ARHGAP28: variants seen among roughly 807,000 people sequenced by gnomAD.
ARHGAP28 encodes the protein Rho GTPase activating protein 28.
In ARHGAP28, 56 loss-of-function variants were observed where a neutral mutation model predicts 90.7. The observed-to-expected ratio is 0.62, with a 90% CI of 0.50 to 0.77. The LOEUF (loss-of-function observed/expected upper bound fraction) is 0.77. ARHGAP28 is among the 30% of genes least tolerant of loss of function. The pLI is 0.00. For synonymous variants in ARHGAP28, 308 were observed against 323.3 expected, an observed-to-expected ratio of 0.95 and a Z score of 0.51; for missense variants, 869 against 900.9, an observed-to-expected ratio of 0.96 and a Z score of 0.45.
At chr18:6,804,485 T>A (rs1251076051) in intron 1 of ARHGAP28, among the ~76,000 whole-genome samples, 1 of 152,226 alleles carries the variant, frequency 6.6e-6, no homozygotes, top group East Asian at 1.9e-4. Flanking sequence ...TATTTTGGAT[T>A]TAGTTTGCTA....
intron 1 of ARHGAP28, among the ~76,000 whole-genome samples, chr18:6,805,037 C>T (rs895114828): frequency 2.0e-5 from 3 of 152,186 alleles, no homozygotes; most frequent in Admixed American, 6.5e-5. Flanking sequence ...GTTGCCCAGG[C>T]TGGCCTTGAA....
In ARHGAP28 at chr18:6,896,508, G is replaced by C; in HGVS notation, c.1912G>C (p.Val638Leu). 1 of 1,613,930 alleles carries C rather than the reference G, an allele frequency of 6.2e-7. No homozygotes were observed. The highest frequency in any genetic ancestry group is 8.5e-7 in the Non-Finnish European group (1 of 1,179,906). Reference sequence around the variant, plus strand: ...AATTTCTCCTCCTTGGCAGTCTGACGTGCCGGAAGGAGTCATACGGGTCCA... The same window carrying C: ...AATTTCTCCTCCTTGGCAGTCTGACCTGCCGGAAGGAGTCATACGGGTCCA... ...KSPSARRMSD[V>L]PEGVIRVHAP... Residue 638 changes from valine (V) to leucine (L), a missense_variant, in exon 16 of 18, where the codon GTG becomes CTG. By Grantham distance (32) the Val-to-Leu change is conservative (BLOSUM62 1). Coordinates refer to ENST00000383472, the MANE Select transcript of ARHGAP28 (RefSeq NM_001366230.1).
intron 1 of ARHGAP28, among the ~76,000 whole-genome samples, chr18:6,787,513 A>T (rs1191275638): frequency 6.6e-6 from 1 of 152,166 alleles, no homozygotes; most frequent in East Asian, 1.9e-4. Context: ...CAACAATGGA[A>T]GAAACTTAAA....
intron 6 of ARHGAP28, among the ~76,000 whole-genome samples, chr18:6,869,201 G>A (rs1374414764): frequency 6.8e-6 from 1 of 147,604 alleles, no homozygotes; most frequent in Non-Finnish European, 1.5e-5. Flanking sequence ...CCTCTGTTTT[G>A]AATGCAAGCC....
chr18:6,898,415 C>G (rs1453059730), intron 16 of ARHGAP28: 1 of 1,259,746 alleles, frequency 7.9e-7, no homozygotes, highest in Non-Finnish European at 1.2e-6. Context: ...ACACATTAAC[C>G]CGTTTTCCAC....
At chr18:6,786,095 G>C (rs939232583) in intron 1 of ARHGAP28, among the ~76,000 whole-genome samples, 1 of 152,166 alleles carries the variant, frequency 6.6e-6, no homozygotes, top group Non-Finnish European at 1.5e-5. Flanking sequence ...GGAGGTTTAT[G>C]TCTTTAAATG....
chr18:6,795,368 C>T (rs1228952350), intron 1 of ARHGAP28, among the ~76,000 whole-genome samples: 2 of 152,018 alleles, frequency 1.3e-5, no homozygotes, highest in African/African-American at 2.4e-5. Context: ...CACCCTTCCT[C>T]GGGGAACAGT....
chr18:6,800,556 G>T (rs1444009476), intron 1 of ARHGAP28, among the ~76,000 whole-genome samples: 1 of 152,158 alleles, frequency 6.6e-6, no homozygotes, highest in Non-Finnish European at 1.5e-5. Flanking sequence ...CATGTCCTTT[G>T]CAGGGACATG....
chr18:6,889,978 C>G lies in ARHGAP28; in HGVS notation c.1627C>G (p.Leu543Val). The G allele has an allele frequency of 6.2e-7, 1 of 1,614,202 alleles. No homozygotes were observed. Among genetic ancestry groups the G allele is most frequent in the South Asian group, 1.1e-5 (1 of 91,086 alleles). Residue 543 changes from leucine to valine, a missense_variant, in exon 13 of 18, where the codon CTT becomes GTT. Physicochemically the swap from Leu to Val is conservative, Grantham distance 32. Transcript: ENST00000383472. ...CATTTCTACAGTGATGGCACCAAAC[C>G]TTTTCTTCAGTAGAAGCAAACACTC... ...WNISTVMAPN[L>V]FFSRSKHSDY...
chr18:6,761,557 T>G (rs1436108864), intron 1 of ARHGAP28, among the ~76,000 whole-genome samples: 1 of 152,148 alleles, frequency 6.6e-6, no homozygotes, highest in Non-Finnish European at 1.5e-5. Context: ...GGCCCTAGGC[T>G]TGGACCATCA....
At chr18:6,893,296 T>C (rs1023860737) in intron 14 of ARHGAP28, among the ~76,000 whole-genome samples, 1 of 152,170 alleles carries the variant, frequency 6.6e-6, no homozygotes, top group African/African-American at 2.4e-5. Flanking sequence ...CCAGTACCCA[T>C]GCCAGAAATG....
At chr18:6,871,889 A>G (rs2057092699) in intron 7 of ARHGAP28, among the ~76,000 whole-genome samples, 1 of 152,192 alleles carries the variant, frequency 6.6e-6, no homozygotes, top group Non-Finnish European at 1.5e-5. Context: ...TTAATAATGT[A>G]AGGTGGACCC....
intron 1 of ARHGAP28, among the ~76,000 whole-genome samples, chr18:6,799,673 A>C (rs1416149374): frequency 6.6e-6 from 1 of 152,262 alleles, no homozygotes; most frequent in Non-Finnish European, 1.5e-5. Flanking sequence ...AAAACTAGCC[A>C]GCCATATGCA....
At chr18:6,812,674 A>C (rs566079455) in intron 1 of ARHGAP28, among the ~76,000 whole-genome samples, 10 of 152,314 alleles carry the variant, frequency 6.6e-5, no homozygotes, top group Admixed American at 1.3e-4. Context: ...CCTTAAAGCC[A>C]TTCACCTCGA....
intron 1 of ARHGAP28, among the ~76,000 whole-genome samples, chr18:6,807,587 T>A (rs2056527982): frequency 6.6e-6 from 1 of 152,188 alleles, no homozygotes; most frequent in Non-Finnish European, 1.5e-5. Context: ...TCCATGGTCT[T>A]ATAAATTATG....
At chr18:6,786,454 T>C (rs2056365432) in intron 1 of ARHGAP28, among the ~76,000 whole-genome samples, 1 of 152,120 alleles carries the variant, frequency 6.6e-6, no homozygotes, top group African/African-American at 2.4e-5. Context: ...AGAGCAGTCC[T>C]CAGGAAGGAA....
At chr18:6,853,066 C>T (rs1028700013) in intron 4 of ARHGAP28, among the ~76,000 whole-genome samples, 2 of 152,178 alleles carry the variant, frequency 1.3e-5, no homozygotes, top group African/African-American at 2.4e-5. Context: ...ACTTCAGTCC[C>T]TGTTCCTCAT....
At chr18:6,786,185 T>C (rs1200864599) in intron 1 of ARHGAP28, among the ~76,000 whole-genome samples, 1 of 152,240 alleles carries the variant, frequency 6.6e-6, no homozygotes, top group Non-Finnish European at 1.5e-5. Flanking sequence ...TATTCATTTG[T>C]ACAAGCTAAA....
chr18:6,745,748 T>C (rs891836253), intron 1 of ARHGAP28, among the ~76,000 whole-genome samples: 1 of 152,228 alleles, frequency 6.6e-6, no homozygotes, highest in Non-Finnish European at 1.5e-5. Context: ...TCGCTCATCA[T>C]AATGGTTTCT....
Sources: gnomAD v4.1 joint callset for allele counts (sites outside exome capture counted in the v4.1 genomes callset) on GRCh38, gnomAD v4.1.1 for gene constraint, MANE v1.5 for transcripts, NCBI Gene and HGNC (gene_info 2026-07-23, HGNC 2026-07-21) for gene names.